Variants in NRXN3 observed in about 807,000 individuals in gnomAD.
NRXN3 encodes the protein neurexin III.
NRXN3 carries 32 observed loss-of-function variants against 137.6 expected under a neutral mutation model. The ratio of observed to expected loss-of-function variants is 0.23; its 90% CI spans 0.18 to 0.31. The LOEUF (loss-of-function observed/expected upper bound fraction) is 0.31, where lower values mean the gene tolerates loss of function less well. NRXN3 is among the 10% of genes least tolerant of loss of function. NRXN3 has a pLI of 1.00. For missense variants in NRXN3, 1,574 were observed against 2,062.5 expected, an observed-to-expected ratio of 0.76 and a Z score of 4.59; for synonymous variants, 798 against 784.5, an observed-to-expected ratio of 1.02 and a Z score of -0.29.
intron 4 of NRXN3, among the ~76,000 whole-genome samples, chr14:78,484,524 TG>T (rs1358742276): frequency 6.6e-6 from 1 of 152,154 alleles, no homozygotes; most frequent in Non-Finnish European, 1.5e-5. Flanking sequence ...TCTTTTTTTC[TG>T]GGGGAGAGGG....
chr14:79,103,720 G>T (rs1294895526), intron 15 of NRXN3, among the ~76,000 whole-genome samples: 5 of 152,102 alleles, frequency 3.3e-5, no homozygotes, highest in African/African-American at 9.7e-5. Context: ...TGACTTTGAG[G>T]TATTGTTTGA....
At chr14:78,688,565 G>A (rs1213798957) in intron 6 of NRXN3, among the ~76,000 whole-genome samples, 3 of 152,124 alleles carry the variant, frequency 2.0e-5, no homozygotes, top group Non-Finnish European at 4.4e-5. Flanking sequence ...TTTTGGAAGA[G>A]TTTTGCTGTA....
intron 15 of NRXN3, among the ~76,000 whole-genome samples, chr14:79,413,144 C>T (rs538737933): frequency 6.6e-6 from 1 of 152,244 alleles, no homozygotes; most frequent in East Asian, 1.9e-4. Flanking sequence ...TATCACATCA[C>T]CTCTGCCATC....
chr14:79,321,030 A>C (rs1270907937), intron 15 of NRXN3, among the ~76,000 whole-genome samples: 3 of 151,970 alleles, frequency 2.0e-5, no homozygotes, highest in Non-Finnish European at 4.4e-5. Context: ...CGATTTTGTA[A>C]TTTTATTCAG....
chr14:78,521,923 G>T (rs1343443490), intron 4 of NRXN3, among the ~76,000 whole-genome samples: 1 of 152,122 alleles, frequency 6.6e-6, no homozygotes, highest in East Asian at 1.9e-4. Context: ...ATAAAGGATG[G>T]TAGCCCACTG....
chr14:79,440,396 C>T (rs747999151), intron 15 of NRXN3, among the ~76,000 whole-genome samples: 2 of 152,126 alleles, frequency 1.3e-5, no homozygotes, highest in African/African-American at 4.8e-5. Context: ...GACAACAAGG[C>T]GTATGAACAG....
At chr14:79,490,449 G>A (rs1448203634) in intron 16 of NRXN3, among the ~76,000 whole-genome samples, 2 of 152,136 alleles carry the variant, frequency 1.3e-5, no homozygotes, top group Non-Finnish European at 2.9e-5. Flanking sequence ...TAGAAAAAAT[G>A]TGGTACATAT....
intron 4 of NRXN3, among the ~76,000 whole-genome samples, chr14:78,623,966 G>A (rs1009066725): frequency 2.6e-5 from 4 of 152,140 alleles, no homozygotes; most frequent in Middle Eastern, 3.2e-3. Context: ...CTTACCATCC[G>A]ACTAGAAGAA....
chr14:79,853,960 T>G (rs1603619921), intron 20 of NRXN3: 1 of 988,716 alleles, frequency 1.0e-6, no homozygotes, highest in Non-Finnish European at 1.2e-6. Context: ...AAGTAAAAAT[T>G]TGTTAAAGTG....
intron 10 of NRXN3, among the ~76,000 whole-genome samples, chr14:78,834,631 G>T (rs994862702): frequency 6.6e-6 from 1 of 152,064 alleles, no homozygotes; most frequent in African/African-American, 2.4e-5. Context: ...ACATACCACT[G>T]AGAACAAAGC....
chr14:79,515,928 C>A (rs532182374), intron 16 of NRXN3, among the ~76,000 whole-genome samples: 15 of 152,140 alleles, frequency 9.9e-5, no homozygotes, highest in Non-Finnish European at 1.9e-4. Flanking sequence ...TCAGGGCCCA[C>A]AAACTCAAAG....
chr14:78,670,662 G>A (rs953330153), intron 6 of NRXN3, among the ~76,000 whole-genome samples: 7 of 152,214 alleles, frequency 4.6e-5, no homozygotes, highest in African/African-American at 1.7e-4. Context: ...TGTTGCTGGA[G>A]TAATGTAAAA....
intron 10 of NRXN3, among the ~76,000 whole-genome samples, chr14:78,930,371 A>C (rs756472129): frequency 2.0e-4 from 30 of 152,218 alleles, no homozygotes; most frequent in Admixed American, 2.6e-4. Context: ...GCTTTGCTAA[A>C]ATTTTGAAAA....
chr14:79,527,000 C>A (rs897842815), intron 16 of NRXN3, among the ~76,000 whole-genome samples: 1 of 152,056 alleles, frequency 6.6e-6, no homozygotes, highest in Non-Finnish European at 1.5e-5. Context: ...ACAAGAATAA[C>A]TGCTGGCCAG....
At chr14:78,288,650 C>A (rs766640393) in intron 3 of NRXN3, among the ~76,000 whole-genome samples, 7 of 152,198 alleles carry the variant, frequency 4.6e-5, no homozygotes, top group Admixed American at 1.3e-4. Context: ...AGCTGGAGAG[C>A]AAAGACTTTC....
At chr14:78,330,141 C>A (rs534788004) in intron 4 of NRXN3, among the ~76,000 whole-genome samples, 1 of 152,246 alleles carries the variant, frequency 6.6e-6, no homozygotes, top group East Asian at 1.9e-4. Context: ...ATTTTAAAAT[C>A]TTAGGAATTT....
At chr14:79,414,185 T>C (rs1344138475) in intron 15 of NRXN3, among the ~76,000 whole-genome samples, 1 of 151,974 alleles carries the variant, frequency 6.6e-6, no homozygotes, top group Non-Finnish European at 1.5e-5. Flanking sequence ...GATCAGAGGA[T>C]TGATGTTTGA....
chr14:79,021,113 C>T (rs2099588943), intron 15 of NRXN3, among the ~76,000 whole-genome samples: 1 of 152,040 alleles, frequency 6.6e-6, no homozygotes, highest in South Asian at 2.1e-4. Context: ...CACTGTGATC[C>T]AGGGACTATG....
Position 78,189,424 on chromosome 14 carries a change from C to A in NRXN3, c.-704+18750C>A, listed in dbSNP as rs1436971880. ...AGGTCTTCACAACCACCTGCAGTGT[C>A]CCCTGGGCCTGGCCCTGGCACCCAG... On this transcript the variant is annotated intron_variant, in intron 1 of 20. Transcript: ENST00000335750. Among the ~76,000 whole-genome samples the A allele has an allele frequency of 2.0e-5, 3 of 152,246 alleles. No individual in the cohort carries two copies. The East Asian group carries it at 5.8e-4, about 29-fold the overall frequency.
Sources: allele counts gnomAD v4.1 joint callset (sites outside exome capture counted in the v4.1 genomes callset), GRCh38; gene constraint gnomAD v4.1.1; transcripts MANE v1.5; gene names NCBI Gene and HGNC (gene_info 2026-07-23, HGNC 2026-07-21).